The following APOL3 variants were observed in gnomAD, a reference collection of about 807,000 sequenced individuals.
APOL3 encodes apolipoprotein L3, also known as TNF-inducible protein CG12-1.
Under a neutral mutation model 11.6 loss-of-function variants are expected in APOL3, and 14 were observed. The ratio of observed to expected loss-of-function variants is 1.21; its 90% CI spans 0.80 to 1.89. The LOEUF is 1.89. APOL3 is among the 40% of genes most tolerant of loss of function. APOL3 has a pLI of 0.00. For missense variants in APOL3, 483 were observed against 492.1 expected, an observed-to-expected ratio of 0.98 and a Z score of 0.17; for synonymous variants, 192 against 190.6, an observed-to-expected ratio of 1.01 and a Z score of -0.06.
chr22:36,160,662 A>G lies in APOL3; in HGVS notation c.223+7T>C, dbSNP rs1332279000. On this transcript the variant is annotated splice_region_variant and intron_variant, in intron 1 of 2. Coordinates refer to ENST00000349314, the Ensembl canonical transcript of APOL3. ...AGATGGGGAAGGTCAGACCACCCCT[A>G]ACTTACCAAGGAAGCTTCTCTTGAA... 4 of 1,614,030 alleles carry G rather than the reference A, an allele frequency of 2.5e-6. No individual in the cohort carries two copies. The highest frequency in any genetic ancestry group is 1.7e-4 in the Middle Eastern group (1 of 5,982).
At chr22:36,150,081 C>T (rs547692423) in intron 1 of APOL3, 19 of 349,986 alleles carry the variant, frequency 5.4e-5, no homozygotes, top group South Asian at 2.6e-4. Context: ...CAAAGTCCTG[C>T]GATTGCAGGC....
At chr22:36,164,406 G>A (rs561239953), upstream of APOL3, among the ~76,000 whole-genome samples, 3 of 152,220 alleles carry the variant, frequency 2.0e-5, no homozygotes, top group East Asian at 1.9e-4. Flanking sequence ...TACAACCTCC[G>A]AGGACCTGTC....
chr22:36,158,750 G>A (rs776230818), intron 1 of APOL3, among the ~76,000 whole-genome samples: 11 of 152,258 alleles, frequency 7.2e-5, no homozygotes, highest in South Asian at 2.1e-4. Context: ...CCCAGGAGGC[G>A]GAGGGTGCAG....
chr22:36,164,245 A>G (rs2013802827), upstream of APOL3, among the ~76,000 whole-genome samples: 1 of 152,210 alleles, frequency 6.6e-6, no homozygotes, highest in Admixed American at 6.5e-5. Flanking sequence ...GCAGAGGTCT[A>G]TCAGCCATTT....
intron 1 of APOL3, among the ~76,000 whole-genome samples, chr22:36,151,681 A>G (rs1215521418): frequency 6.6e-6 from 1 of 152,244 alleles, no homozygotes; most frequent in Non-Finnish European, 1.5e-5. Context: ...GAGTCTGAGC[A>G]TGGTGGCTCA....
intron 1 of APOL3, among the ~76,000 whole-genome samples, chr22:36,158,170 A>C (rs2013210208): frequency 6.6e-6 from 1 of 152,232 alleles, no homozygotes; most frequent in Non-Finnish European, 1.5e-5. Flanking sequence ...CATATATGTA[A>C]GTGATCACAG....
chr22:36,161,137 C>T (rs940598145), upstream of APOL3, among the ~76,000 whole-genome samples: 6 of 152,214 alleles, frequency 3.9e-5, no homozygotes, highest in African/African-American at 1.4e-4. Context: ...CAGTCCATCA[C>T]ACATGCCGGG....
At chr22:36,148,934 C>T (rs929139095) in intron 1 of APOL3, 112 bp downstream of exon 2, 6 of 1,071,964 alleles carry the variant, frequency 5.6e-6, no homozygotes, top group African/African-American at 4.8e-5. Flanking sequence ...GAAGACTCAT[C>T]GGCCTGCTTG....
chr22:36,144,952 G>A (rs132626), intron 2 of APOL3, among the ~76,000 whole-genome samples: 80,999 of 147,634 alleles, frequency 0.55, 23,392 homozygotes, highest in South Asian at 0.72. Context: ...CGGAGGTTGC[G>A]GTGGGCCGAG....
upstream of APOL3, chr22:36,164,573 A>T (rs1014075069): frequency 1.3e-5 from 2 of 152,226 alleles, no homozygotes; most frequent in African/African-American, 2.4e-5. Context: ...GTCACTGACA[A>T]CAAAAAATGC....
exon 3 of APOL3, chr22:36,140,566 G>A (rs2059950904): frequency 6.6e-6 from 1 of 152,310 alleles, no homozygotes; most frequent in Non-Finnish European, 1.5e-5. Context: ...CTCATTACCT[G>A]GCCTTCAGGG....
chr22:36,158,351 C>T (rs1022451674), intron 1 of APOL3, among the ~76,000 whole-genome samples: 8 of 152,168 alleles, frequency 5.3e-5, no homozygotes, highest in African/African-American at 1.7e-4. Flanking sequence ...AGTGCCCCCA[C>T]GTCATGGCAC....
At chr22:36,159,469 G>C (rs1432470995) in intron 1 of APOL3, 1 of 152,158 alleles carries the variant, frequency 6.6e-6, no homozygotes, top group East Asian at 1.9e-4. Flanking sequence ...AATCTTCCAG[G>C]TTTGTTTCTG....
At chr22:36,144,664 C>T (rs12160874) in intron 2 of APOL3, among the ~76,000 whole-genome samples, 2,566 of 152,208 alleles carry the variant, frequency 0.017, 70 homozygotes, top group African/African-American at 0.057. Flanking sequence ...TTGATCAGGT[C>T]AAGATTTTTC....
At chr22:36,149,203 T>C in intron 1 of APOL3, 61 bp from the exon 2 acceptor site, 2 of 1,318,896 alleles carry the variant, frequency 1.5e-6, no homozygotes, top group South Asian at 2.4e-5. Flanking sequence ...CAGAGGGAGG[T>C]TGGAGGGGCT....
chr22:36,153,286 T>C, intron 1 of APOL3: 1 of 416,476 alleles, frequency 2.4e-6, no homozygotes, highest in Middle Eastern at 3.5e-4. Context: ...ACTGCTAACC[T>C]CAATAATGGT....
chr22:36,141,424 T>C, exon 3 of APOL3: 1 of 1,614,126 alleles, frequency 6.2e-7, no homozygotes, highest in Non-Finnish European at 8.5e-7. Context: ...GCCCGGGTGG[T>C]GCCTGCAATC....
At chr22:36,162,178 G>A (rs1214837056), upstream of APOL3, among the ~76,000 whole-genome samples, 1 of 152,202 alleles carries the variant, frequency 6.6e-6, no homozygotes, top group Non-Finnish European at 1.5e-5. Flanking sequence ...AGAAAAGAGA[G>A]CAGAAAGCCT....
At chr22:36,154,796 T>G (rs560105934) in intron 1 of APOL3, among the ~76,000 whole-genome samples, 1 of 152,278 alleles carries the variant, frequency 6.6e-6, no homozygotes, top group East Asian at 1.9e-4. Context: ...CCTGGCTAAA[T>G]AGAATGCCTG....
Sources: allele counts gnomAD v4.1 joint callset (sites outside exome capture counted in the v4.1 genomes callset), GRCh38; gene constraint gnomAD v4.1.1; transcripts MANE v1.5; gene names NCBI Gene and HGNC (gene_info 2026-07-23, HGNC 2026-07-21).